Variants in PAM observed in about 807,000 individuals in gnomAD.
PAM encodes peptidylglycine alpha-amidating monooxygenase.
Under a neutral mutation model 122.1 loss-of-function variants are expected in PAM, and 72 were observed. The observed-to-expected ratio is 0.59, with a 90% CI of 0.49 to 0.72. The LOEUF (loss-of-function observed/expected upper bound fraction) is 0.72, where lower values mean the gene tolerates loss of function less well. Among genes scored for constraint, PAM ranks in the 30% least tolerant of loss-of-function variants. The pLI is 0.00. For synonymous variants in PAM, 389 were observed against 404.4 expected (o/e 0.96, Z 0.46); for missense variants, 1,106 against 1,183.7 (o/e 0.93, Z 0.96).
intron 15 of PAM, among the ~76,000 whole-genome samples, chr5:102,986,119 G>A (rs183363707): frequency 1.3e-5 from 2 of 152,244 alleles, no homozygotes; most frequent in Non-Finnish European, 2.9e-5. Context: ...CAAACCCATG[G>A]CTGACATACT....
chr5:102,982,850 C>A (rs551272672), intron 15 of PAM, among the ~76,000 whole-genome samples: 2 of 152,156 alleles, frequency 1.3e-5, no homozygotes, highest in African/African-American at 4.8e-5. Flanking sequence ...CACAATAATT[C>A]TTCAGCAACA....
intron 7 of PAM, among the ~76,000 whole-genome samples, chr5:102,927,417 G>A (rs1398277697): frequency 6.6e-6 from 1 of 152,120 alleles, no homozygotes; most frequent in Non-Finnish European, 1.5e-5. Flanking sequence ...TCCTTGTCTT[G>A]TTTGCTTTTC....
chr5:102,810,266 G>A (rs1248723178), intron 1 of PAM, among the ~76,000 whole-genome samples: 3 of 152,130 alleles, frequency 2.0e-5, no homozygotes, highest in East Asian at 3.9e-4. Flanking sequence ...TGATTGATAT[G>A]AGCAGCACTA....
At chr5:102,786,677 G>A (rs1267152858) in intron 1 of PAM, among the ~76,000 whole-genome samples, 1 of 152,090 alleles carries the variant, frequency 6.6e-6, no homozygotes, top group Admixed American at 6.6e-5. Flanking sequence ...TTAGACACAT[G>A]CCATTTTTTA....
At chr5:102,924,687 A>G (rs1307066426) in intron 5 of PAM, among the ~76,000 whole-genome samples, 1 of 152,098 alleles carries the variant, frequency 6.6e-6, no homozygotes, top group African/African-American at 2.4e-5. Flanking sequence ...ATGTATGAAC[A>G]TATCAAAGTA....
At chr5:102,994,254 T>A (rs965063380) in intron 16 of PAM, among the ~76,000 whole-genome samples, 1 of 152,174 alleles carries the variant, frequency 6.6e-6, no homozygotes, top group Non-Finnish European at 1.5e-5. Context: ...GGGACCCATC[T>A]AGATGTTATA....
At chr5:102,880,751 A>G (rs1383471140) in intron 3 of PAM, among the ~76,000 whole-genome samples, 2 of 151,584 alleles carry the variant, frequency 1.3e-5, no homozygotes, top group Non-Finnish European at 2.9e-5. Flanking sequence ...ACAAATACAA[A>G]GTCAACTTAA....
chr5:102,854,603 A>G (rs1782147424), intron 1 of PAM, among the ~76,000 whole-genome samples: 1 of 152,014 alleles, frequency 6.6e-6, no homozygotes, highest in African/African-American at 2.4e-5. Flanking sequence ...ATCTTTTTTA[A>G]GCTCTCATTT....
intron 4 of PAM, among the ~76,000 whole-genome samples, chr5:102,911,100 A>G (rs1322107419): frequency 1.3e-5 from 2 of 151,928 alleles, no homozygotes; most frequent in African/African-American, 4.8e-5. Context: ...TAAGGCATCT[A>G]CTGTTTGTTT....
intron 1 of PAM, among the ~76,000 whole-genome samples, chr5:102,859,943 C>G (rs1215571676): frequency 3.3e-5 from 5 of 152,274 alleles, no homozygotes; most frequent in Middle Eastern, 3.4e-3. Context: ...ATAGGCTATA[C>G]CATCTAGGTT....
At chr5:102,989,508 A>G (rs1173493891) in intron 15 of PAM, among the ~76,000 whole-genome samples, 3 of 152,172 alleles carry the variant, frequency 2.0e-5, no homozygotes, top group Non-Finnish European at 2.9e-5. Flanking sequence ...CCCTGTCTCA[A>G]AACACCCACA....
rs749110876 is a variant in PAM, at chr5:102,990,374, A to T, written c.1586A>T (p.His529Leu). 1.2e-6 allele frequency: 2 copies of T among 1,607,376 alleles called. No individual in the cohort carries two copies. Among genetic ancestry groups the T allele is most frequent in the Admixed American group, 3.3e-5 (2 of 59,722 alleles). Residue 529 changes from histidine (H) to leucine (L), a missense_variant, in exon 16 of 26, where the codon CAC (histidine) becomes CTC (leucine). By Grantham distance (99) the His-to-Leu change is moderately conservative. This residue lies in a region of PAM where 670 missense variants were observed against 690.3 expected (regional missense o/e 0.97). Transcript: ENST00000438793. ...LDPKNNLVIF[H>L]RGDHVWDGNS... Reference sequence around the variant, plus strand: ...CCTAAGAATAACCTGGTGATTTTCCACAGAGGTGACCATGTCTGGGATGGA... The same window carrying T: ...CCTAAGAATAACCTGGTGATTTTCCTCAGAGGTGACCATGTCTGGGATGGA...
chr5:102,902,710 T>C (rs1798342307), intron 4 of PAM, among the ~76,000 whole-genome samples: 1 of 151,524 alleles, frequency 6.6e-6, no homozygotes, highest in Non-Finnish European at 1.5e-5. Context: ...GCAAAAGGAA[T>C]TTCCCATGAA....
intron 1 of PAM, among the ~76,000 whole-genome samples, chr5:102,856,011 C>T (rs32680): frequency 0.18 from 27,370 of 151,962 alleles, 3,207 homozygotes; most frequent in Non-Finnish European, 0.25. Flanking sequence ...AAAAAAACAT[C>T]CAAGATTTGA....
intron 1 of PAM, among the ~76,000 whole-genome samples, chr5:102,800,880 T>A (rs1345641526): frequency 6.6e-6 from 1 of 151,866 alleles, no homozygotes; most frequent in Admixed American, 6.6e-5. Flanking sequence ...ATGCATGAAA[T>A]CCCCTACTGC....
chr5:102,900,268 G>C (rs1581492701), intron 3 of PAM, among the ~76,000 whole-genome samples: 1 of 101,804 alleles, frequency 9.8e-6, no homozygotes, highest in African/African-American at 3.9e-5. Context: ...GGGGGGGCGG[G>C]GGGAAGAGGG....
chr5:103,014,758 C>T (rs893143048), intron 21 of PAM, among the ~76,000 whole-genome samples: 6 of 152,076 alleles, frequency 3.9e-5, no homozygotes, highest in African/African-American at 1.2e-4. Context: ...TGCAGGGAAG[C>T]TTAGACAGTA....
intron 15 of PAM, chr5:102,987,517 G>A (rs1187902710): frequency 2.2e-6 from 1 of 455,432 alleles, no homozygotes; most frequent in South Asian, 1.6e-5. Flanking sequence ...TTTCCAAATA[G>A]CTAGAAGAGA....
rs1348727014 is a variant in PAM, at chr5:103,006,974, T to C, written c.1977T>C (p.Phe659=). The C allele has an allele frequency of 6.2e-7, 1 of 1,613,884 alleles. No homozygotes were observed. The highest frequency in any genetic ancestry group is 1.7e-5 in the Admixed American group (1 of 59,970). ...ACTGCAACAGCAGGATTGTGCAGTT[T>C]TCACCAAGTGGAAAGTTCATCACAC... The part of the protein sequence containing the change: ...DGYCNSRIVQ[F]SPSGKFITQW... The change falls in exon 19 of 26, where the codon TTT becomes TTC. Residue 659 remains phenylalanine (F), a synonymous_variant. Coordinates refer to ENST00000438793, the MANE Select transcript of PAM (RefSeq NM_001177306.2).
Sources: gnomAD v4.1 joint callset for allele counts (sites outside exome capture counted in the v4.1 genomes callset) on GRCh38, gnomAD v4.1.1 for gene constraint, gnomAD v4.1.1 regional missense constraint, MANE v1.5 for transcripts, NCBI Gene and HGNC (gene_info 2026-07-23, HGNC 2026-07-21) for gene names.